Variants in LRMDA observed in about 807,000 individuals in gnomAD.
LRMDA encodes the protein leucine rich melanocyte differentiation associated, also known as leucine-rich melanocyte differentiation-associated protein.
LRMDA carries 18 observed loss-of-function variants against 29.8 expected under a neutral mutation model. That is an observed-to-expected ratio of 0.60 (90% CI 0.42 to 0.90). The LOEUF (loss-of-function observed/expected upper bound fraction) is 0.90. Among genes scored for constraint, LRMDA ranks in the 40% least tolerant of loss-of-function variants. The pLI is 0.00. For missense variants in LRMDA, 273 were observed against 273.9 expected (o/e 1.00, Z 0.02); for synonymous variants, 125 against 109.4 (o/e 1.14, Z -0.89).
chr10:75,898,422 G>C (rs1221670970), intron 2 of LRMDA, among the ~76,000 whole-genome samples: 1 of 152,116 alleles, frequency 6.6e-6, no homozygotes, highest in African/African-American at 2.4e-5. Flanking sequence ...TGACACTGCT[G>C]TATCATAAAT....
chr10:75,831,698 C>T (rs1240453878), intron 2 of LRMDA, among the ~76,000 whole-genome samples: 1 of 152,198 alleles, frequency 6.6e-6, no homozygotes, highest in African/African-American at 2.4e-5. Context: ...ATGAGCTCCC[C>T]ACCCCTGCAG....
intron 5 of LRMDA, among the ~76,000 whole-genome samples, chr10:76,089,370 G>A (rs1453107344): frequency 2.0e-5 from 3 of 152,212 alleles, no homozygotes; most frequent in African/African-American, 7.2e-5. Flanking sequence ...TTAAGAATGA[G>A]TTGGGGAACT....
chr10:75,552,820 C>A (rs565490248), intron 2 of LRMDA, among the ~76,000 whole-genome samples: 3 of 151,346 alleles, frequency 2.0e-5, no homozygotes, highest in Non-Finnish European at 4.4e-5. Flanking sequence ...ATCATTTTCT[C>A]TGCTGTGTTC....
intron 2 of LRMDA, among the ~76,000 whole-genome samples, chr10:75,651,105 G>T (rs145088761): frequency 6.6e-6 from 1 of 152,124 alleles, no homozygotes; most frequent in African/African-American, 2.4e-5. Flanking sequence ...AGAAAGGCCC[G>T]TGTCTTCCTT....
intron 2 of LRMDA, among the ~76,000 whole-genome samples, chr10:75,471,272 C>T (rs1385872085): frequency 6.6e-6 from 1 of 151,428 alleles, no homozygotes; most frequent in Non-Finnish European, 1.5e-5. Context: ...CTCCTGCCTT[C>T]AGGAAGTTCA....
intron 6 of LRMDA, among the ~76,000 whole-genome samples, chr10:76,383,203 C>T (rs903108076): frequency 5.3e-5 from 8 of 152,086 alleles, no homozygotes; most frequent in African/African-American, 1.9e-4. Flanking sequence ...AAGAACATAG[C>T]CTTGGGTGCT....
chr10:75,750,805 G>C (rs377196327), intron 2 of LRMDA, among the ~76,000 whole-genome samples: 10 of 150,760 alleles, frequency 6.6e-5, no homozygotes, highest in African/African-American at 2.4e-4. Context: ...GGTGGCAGCC[G>C]GGAAGAGGCG....
intron 5 of LRMDA, among the ~76,000 whole-genome samples, chr10:76,299,097 A>G (rs374820946): frequency 1.2e-4 from 19 of 152,108 alleles, no homozygotes; most frequent in African/African-American, 4.3e-4. Flanking sequence ...GAGACAGAAC[A>G]TACCAGATAG....
intron 2 of LRMDA, among the ~76,000 whole-genome samples, chr10:75,564,762 A>T (rs1840348506): frequency 6.6e-6 from 1 of 152,158 alleles, no homozygotes; most frequent in Admixed American, 6.5e-5. Flanking sequence ...AAATGAGTTA[A>T]TTGGACACCC....
intron 2 of LRMDA, among the ~76,000 whole-genome samples, chr10:75,664,346 A>G (rs1841794066): frequency 6.6e-6 from 1 of 152,234 alleles, no homozygotes; most frequent in Non-Finnish European, 1.5e-5. Context: ...TAGGTAGTAG[A>G]GAGGAAATGA....
intron 6 of LRMDA, chr10:76,438,793 T>A (rs1842271136): frequency 6.6e-6 from 1 of 152,218 alleles, no homozygotes; most frequent in Non-Finnish European, 1.5e-5. Flanking sequence ...AAGCTATTTC[T>A]CATGCCGTTT....
intron 6 of LRMDA, among the ~76,000 whole-genome samples, chr10:76,526,555 T>A (rs1210657063): frequency 6.6e-6 from 1 of 152,122 alleles, no homozygotes; most frequent in African/African-American, 2.4e-5. Flanking sequence ...TGTTTCAGTT[T>A]TCATGCTGTT....
intron 6 of LRMDA, among the ~76,000 whole-genome samples, chr10:76,434,594 C>T (rs902566215): frequency 2.0e-5 from 3 of 152,188 alleles, no homozygotes; most frequent in African/African-American, 7.2e-5. Flanking sequence ...TTAGGCCATC[C>T]ACTCATCCAT....
intron 2 of LRMDA, among the ~76,000 whole-genome samples, chr10:75,756,952 T>C (rs903924167): frequency 2.6e-5 from 4 of 152,228 alleles, no homozygotes; most frequent in African/African-American, 7.2e-5. Context: ...GGCAGATTTG[T>C]GTCATGTATT....
intron 2 of LRMDA, among the ~76,000 whole-genome samples, chr10:75,625,051 C>G (rs1841234322): frequency 6.6e-6 from 1 of 152,142 alleles, no homozygotes; most frequent in Non-Finnish European, 1.5e-5. Flanking sequence ...GCAGGATAGT[C>G]CTGTGGTAGA....
chr10:75,861,728 T>C (rs1844933648), intron 2 of LRMDA, among the ~76,000 whole-genome samples: 1 of 152,194 alleles, frequency 6.6e-6, no homozygotes, highest in African/African-American at 2.4e-5. Context: ...GGTGGATTCT[T>C]ACTGTGGTGG....
chr10:75,738,411 A>G (rs1589179657), intron 2 of LRMDA, among the ~76,000 whole-genome samples: 1 of 152,168 alleles, frequency 6.6e-6, no homozygotes, highest in Non-Finnish European at 1.5e-5. Flanking sequence ...TCCTTGTCCC[A>G]TGTAAGTTTG....
chr10:75,865,239 G>A (rs1438444233), intron 2 of LRMDA, among the ~76,000 whole-genome samples: 1 of 152,184 alleles, frequency 6.6e-6, no homozygotes, highest in African/African-American at 2.4e-5. Context: ...TGGGGTGATA[G>A]AAAGCAGAAT....
At chr10:76,315,238 T>A (rs1258198137) in intron 5 of LRMDA, among the ~76,000 whole-genome samples, 2 of 152,222 alleles carry the variant, frequency 1.3e-5, no homozygotes, top group Non-Finnish European at 2.9e-5. Context: ...CTTCGAAGAT[T>A]AGCTTCAGTG....
Sources: gnomAD v4.1 joint callset for allele counts (sites outside exome capture counted in the v4.1 genomes callset) on GRCh38, gnomAD v4.1.1 for gene constraint, MANE v1.5 for transcripts, NCBI Gene and HGNC (gene_info 2026-07-23, HGNC 2026-07-21) for gene names.